The following A2ML1 variants were observed in gnomAD, a reference collection of about 807,000 sequenced individuals.
A2ML1 encodes the protein alpha-2-macroglobulin-like protein 1.
In A2ML1, 161 loss-of-function variants were observed where a neutral mutation model predicts 181.9. The ratio of observed to expected loss-of-function variants is 0.89; its 90% CI spans 0.78 to 1.01. A2ML1 has a LOEUF of 1.01. Among genes scored for constraint, A2ML1 ranks in the 50% least tolerant of loss-of-function variants. The pLI, the probability that A2ML1 is intolerant of heterozygous loss-of-function variation, is 0.00. For missense variants in A2ML1, 1,670 were observed against 1,768.1 expected (o/e 0.94, Z 1.00); for synonymous variants, 663 against 666.8 (o/e 0.99, Z 0.09).
intron 4 of A2ML1, among the ~76,000 whole-genome samples, chr12:8,830,037 C>A (rs1340038896): frequency 6.6e-6 from 1 of 151,978 alleles, no homozygotes; most frequent in Admixed American, 6.6e-5. Flanking sequence ...GGTTATGCTC[C>A]TTGTCATTTT....
intron 7 of A2ML1, among the ~76,000 whole-genome samples, chr12:8,885,000 TTATGG>T (rs1403253789): frequency 6.6e-6 from 1 of 152,240 alleles, no homozygotes; most frequent in Non-Finnish European, 1.5e-5. Context: ...GCATGTGTCT[TTATGG>T]TAGAATGATT....
chr12:8,866,304 C>CAAA (rs57689837), intron 29 of A2ML1, among the ~76,000 whole-genome samples: 1 of 53,402 alleles, frequency 1.9e-5, no homozygotes, highest in Admixed American at 3.2e-4. Context: ...GACTCCATCT[C>CAAA]AAAAAAAAAA....
At chr12:8,847,510 G>T in intron 14 of A2ML1, 39 bp from the exon 15 acceptor site, 1 of 1,568,240 alleles carries the variant, frequency 6.4e-7, no homozygotes, top group South Asian at 1.2e-5. Context: ...TCCTTTCCAG[G>T]CTGACCTGAT....
chr12:8,854,372 C>T (rs771937626), intron 21 of A2ML1, 123 bp downstream of exon 21: 7 of 1,408,666 alleles, frequency 5.0e-6, no homozygotes, highest in African/African-American at 2.9e-5. Context: ...CAACTTTCTC[C>T]TTCCCTGGCC....
At chr12:8,856,239 C>A (rs1354095568) in intron 23 of A2ML1, among the ~76,000 whole-genome samples, 1 of 152,174 alleles carries the variant, frequency 6.6e-6, no homozygotes, top group African/African-American at 2.4e-5. Context: ...CTATTGAGAT[C>A]CTTTGCAGTC....
intron 18 of A2ML1, 48 bp downstream of exon 18, chr12:8,850,322 C>T (rs761583582): frequency 2.9e-5 from 42 of 1,451,188 alleles, no homozygotes; most frequent in East Asian, 2.1e-4. Flanking sequence ...GCATGGCTCA[C>T]GCCTGTAATC....
At chr12:8,843,880 A>G (rs1304347120) in intron 12 of A2ML1, among the ~76,000 whole-genome samples, 3 of 151,878 alleles carry the variant, frequency 2.0e-5, no homozygotes, top group Non-Finnish European at 4.4e-5. Context: ...CACCACGCCC[A>G]GCTAATTTTT....
Position 8,850,275 on chromosome 12 carries a change from GT to G in A2ML1, c.2234+2del. The G allele has an allele frequency of 2.6e-5, 42 of 1,606,272 alleles. No homozygotes were observed. Among genetic ancestry groups the G allele is most frequent in the Non-Finnish European group, 3.4e-5 (40 of 1,177,198 alleles). ...GGCTCTGGGATCTGTTTCCTATTGG[GT>G]AAGTGATGACTCAAAAGTACAGTAA... On this transcript the variant is annotated splice_donor_variant, in intron 18 of 35. Transcript: ENST00000299698. LOFTEE classifies it high-confidence loss of function.
rs1943674243 is a variant in A2ML1 at position 8,846,089 on chromosome 12, CCTT to C, written c.1553_1555del (p.Phe518del). ...TCTTCTCTTTCAGGACTGAAAGCCT[CCTT>C]CTCTCTCTCACTGACCTTCACTTCG... On this transcript the variant is annotated inframe_deletion, in exon 14 of 36. Transcript: ENST00000299698. 1 of 1,614,158 alleles carries C rather than the reference CCTT, an allele frequency of 6.2e-7. No homozygotes were observed. The highest frequency in any genetic ancestry group is 1.1e-5 in the South Asian group (1 of 91,074).
chr12:8,859,430 G>A (rs1352389688), intron 26 of A2ML1, among the ~76,000 whole-genome samples: 1 of 152,084 alleles, frequency 6.6e-6, no homozygotes, highest in African/African-American at 2.4e-5. Context: ...GCTCATGCTT[G>A]TAATCCCAGC....
In A2ML1 at chr12:8,845,486, G is replaced by C; in HGVS notation, c.1521G>C (p.Leu507=). Residue 507 remains leucine, a synonymous_variant, in exon 13 of 36, where the codon CTG becomes CTC. Coordinates refer to ENST00000299698, the MANE Select transcript of A2ML1 (RefSeq NM_144670.6). ...TGGTGATGGAGGGGCAGAAACACCT[G>C]AACTCTAAGAAGAAAGGTGAGTGTA... The part of the protein sequence containing the change: ...GSLVMEGQKH[L]NSKKKGLKAS... 6.2e-7 allele frequency: 1 copy of C among 1,614,132 alleles called. No individual in the cohort carries two copies. The highest frequency in any genetic ancestry group is 8.5e-7 in the Non-Finnish European group (1 of 1,180,002).
At chr12:8,881,707 A>C (rs1944872379), downstream of A2ML1, among the ~76,000 whole-genome samples, 1 of 152,140 alleles carries the variant, frequency 6.6e-6, no homozygotes, top group South Asian at 2.1e-4. Context: ...TAGTGTGTTC[A>C]GTTTACTACA....
chr12:8,834,618 C>T (rs1943213670), intron 4 of A2ML1, 44 bp from the exon 5 acceptor site: 23 of 1,610,622 alleles, frequency 1.4e-5, no homozygotes, highest in Non-Finnish European at 2.0e-5. Flanking sequence ...ATTCTTATTG[C>T]TGTCAACCTT....
At position 8,843,198 on chromosome 12, in the gene A2ML1, C is replaced by A. The variant is rs778105594; in HGVS notation, c.1313C>A (p.Ala438Asp). Reference protein sequence around the residue: ...PEQVPRYYQNAYLHLRPFYST... With the variant: ...PEQVPRYYQNDYLHLRPFYST... ...CAAGTGCCACGTTACTACCAAAATG[C>A]CTACCTGCACCTGCGACCCTTCTAC... The change falls in exon 12 of 36, where the codon GCC becomes GAC. Residue 438 changes from alanine to aspartate, a missense_variant. By Grantham distance (126) the Ala-to-Asp change is moderately radical. Coordinates refer to ENST00000299698, the MANE Select transcript of A2ML1 (RefSeq NM_144670.6). The A allele has an allele frequency of 9.9e-6, 16 of 1,614,162 alleles. No homozygotes were observed. Among genetic ancestry groups the A allele is most frequent in the Admixed American group, 1.7e-5 (1 of 60,014 alleles).
At chr12:8,863,572 C>T (rs1462868037) in intron 28 of A2ML1, among the ~76,000 whole-genome samples, 1 of 152,232 alleles carries the variant, frequency 6.6e-6, no homozygotes, top group Non-Finnish European at 1.5e-5. Flanking sequence ...TTGCTGGAGG[C>T]AGGAACATTT....
At chr12:8,879,177 G>C (rs1293335075), downstream of A2ML1, among the ~76,000 whole-genome samples, 1 of 151,968 alleles carries the variant, frequency 6.6e-6, no homozygotes, top group Non-Finnish European at 1.5e-5. Context: ...CAAAGGAAGA[G>C]AGCAGAGGGA....
At chr12:8,873,923 A>C (rs2136992801) in intron 33 of A2ML1, among the ~76,000 whole-genome samples, 1 of 152,246 alleles carries the variant, frequency 6.6e-6, no homozygotes, top group African/African-American at 2.4e-5. Flanking sequence ...AAGAAGAAAG[A>C]GCCAGGAAGT....
intron 3 of A2ML1, among the ~76,000 whole-genome samples, chr12:8,824,222 G>GT (rs34400836): frequency 0.021 from 1,920 of 92,272 alleles, 80 homozygotes; most frequent in African/African-American, 0.049. Context: ...AGCTACTGGG[G>GT]TTTTTTTTTT....
intron 29 of A2ML1, among the ~76,000 whole-genome samples, chr12:8,866,173 T>C (rs1029325388): frequency 6.6e-6 from 1 of 151,628 alleles, no homozygotes; most frequent in Non-Finnish European, 1.5e-5. Context: ...GGCACAGTGG[T>C]GGGCGCCTGT....
Sources: allele counts gnomAD v4.1 joint callset (sites outside exome capture counted in the v4.1 genomes callset), GRCh38; gene constraint gnomAD v4.1.1; transcripts MANE v1.5; gene names NCBI Gene and HGNC (gene_info 2026-07-23, HGNC 2026-07-21).